The following KCNB2 variants were observed in gnomAD, a reference collection of about 807,000 sequenced individuals.
KCNB2 encodes the protein delayed rectifier potassium channel protein.
Under a neutral mutation model 61.5 loss-of-function variants are expected in KCNB2, and 15 were observed. That is an observed-to-expected ratio of 0.24 (90% CI 0.16 to 0.38). KCNB2 has a LOEUF of 0.38. Ranked by LOEUF, KCNB2 falls within the 10% of genes least tolerant of loss-of-function variation. The pLI, the probability that KCNB2 is intolerant of heterozygous loss-of-function variation, is 1.00. For missense variants in KCNB2, 828 were observed against 1,125.2 expected (o/e 0.74, Z 3.78); for synonymous variants, 457 against 446.0 (o/e 1.02, Z -0.31).
rs143953035 is a variant in KCNB2 at position 72,557,201 on chromosome 8, G to T, written c.-93-10441G>T. Among the ~76,000 whole-genome samples the T allele has an allele frequency of 1.8e-4, 28 of 152,244 alleles. 2 individuals are homozygous for T. Among genetic ancestry groups the T allele is most frequent in the African/African-American group, 6.3e-4 (26 of 41,556 alleles). ...ATTGTGATTAGAATACATCAGGAAA[G>T]ACTCTCACCTTTCCCCTCACATGAT... On this transcript the variant is annotated intron_variant, in intron 1 of 2. Coordinates refer to ENST00000523207, the MANE Select transcript of KCNB2 (RefSeq NM_004770.3).
intron 2 of KCNB2, among the ~76,000 whole-genome samples, chr8:72,598,343 C>G (rs894974086): frequency 6.6e-6 from 1 of 152,184 alleles, no homozygotes; most frequent in African/African-American, 2.4e-5. Flanking sequence ...GAACCAAAGA[C>G]AAAAACCACA....
chr8:72,594,468 G>A (rs144922595), intron 2 of KCNB2, among the ~76,000 whole-genome samples: 10 of 152,288 alleles, frequency 6.6e-5, no homozygotes, highest in Non-Finnish European at 1.3e-4. Context: ...GGGAATGTGT[G>A]GAGTCAGGGT....
rs547913916 is a variant in KCNB2, at chr8:72,817,338, T to G, written c.580-118597T>G. ...GAGCAGGTTCATCCAAGGCCTCCCC[T>G]GTAGGACTGAAGAATAGACACTGCC... is the stretch of plus-strand genomic sequence containing the variant. On this transcript the variant is annotated intron_variant, in intron 2 of 2. Coordinates refer to ENST00000523207, the MANE Select transcript of KCNB2 (RefSeq NM_004770.3). Among the ~76,000 whole-genome samples, 7 of 152,252 alleles carry G rather than the reference T, an allele frequency of 4.6e-5. No homozygotes were observed. The East Asian group carries it at 1.2e-3, about 25-fold the overall frequency.
chr8:72,751,302 A>G (rs575898329), intron 2 of KCNB2: 1 of 152,100 alleles, frequency 6.6e-6, no homozygotes, highest in South Asian at 2.1e-4. Flanking sequence ...TCTATTAAAC[A>G]CTCTGTATAC....
intron 2 of KCNB2, among the ~76,000 whole-genome samples, chr8:72,912,493 T>C (rs1439725963): frequency 9.5e-6 from 1 of 104,936 alleles, no homozygotes; most frequent in Non-Finnish European, 1.9e-5. Context: ...TTTATTCATA[T>C]ATATATATAT....
At chr8:72,850,407 G>T (rs1048994003) in intron 2 of KCNB2, among the ~76,000 whole-genome samples, 1 of 152,076 alleles carries the variant, frequency 6.6e-6, no homozygotes, top group African/African-American at 2.4e-5. Context: ...TTTTTGTAGA[G>T]ATGGGGTTTC....
chr8:72,692,157 AC>A (rs1806949508), intron 2 of KCNB2, among the ~76,000 whole-genome samples: 1 of 149,228 alleles, frequency 6.7e-6, no homozygotes, highest in African/African-American at 2.5e-5. Flanking sequence ...AATGGCATGA[AC>A]CTGGGAGGCA....
intron 2 of KCNB2, among the ~76,000 whole-genome samples, chr8:72,821,703 A>G (rs1487809153): frequency 6.6e-6 from 1 of 151,526 alleles, no homozygotes; most frequent in Non-Finnish European, 1.5e-5. Flanking sequence ...ACTGGAAAAA[A>G]CAGACAGTCC....
intron 2 of KCNB2, among the ~76,000 whole-genome samples, chr8:72,584,497 C>T (rs1806965995): frequency 6.6e-6 from 1 of 151,902 alleles, no homozygotes. Flanking sequence ...TAAAAAAAAA[C>T]TCTTACCTTT....
At chr8:72,859,190 T>C (rs760961014) in intron 2 of KCNB2, among the ~76,000 whole-genome samples, 2 of 152,126 alleles carry the variant, frequency 1.3e-5, no homozygotes, top group Non-Finnish European at 2.9e-5. Flanking sequence ...GATGAAGTGG[T>C]CTGCTGTGGT....
rs897438335 is a variant in KCNB2 at position 72,764,077 on chromosome 8, T to C, written c.580-171858T>C. 4.0e-5 allele frequency among the ~76,000 whole-genome samples: 6 copies of C among 151,820 alleles called. No homozygotes were observed. In the East Asian group the frequency reaches 1.2e-3, roughly 29 times the overall value. On this transcript the variant is annotated intron_variant, in intron 2 of 2. Transcript: ENST00000523207. ...ACCAGGGCCAGTAACCAACAACCAC[T>C]GAGATCCTGGAATATGATTTCAGGG...
intron 2 of KCNB2, among the ~76,000 whole-genome samples, chr8:72,581,152 A>G (rs1806887496): frequency 6.6e-6 from 1 of 152,022 alleles, no homozygotes; most frequent in South Asian, 2.1e-4. Context: ...AAGGAACATC[A>G]TTTTTTTCTA....
chr8:72,570,751 C>T (rs1806695872), intron 2 of KCNB2, among the ~76,000 whole-genome samples: 1 of 151,904 alleles, frequency 6.6e-6, no homozygotes, highest in African/African-American at 2.4e-5. Flanking sequence ...GTTGTGAAGC[C>T]CTTGTGTAGG....
At chr8:72,931,153 C>G (rs532675408) in intron 2 of KCNB2, among the ~76,000 whole-genome samples, 2 of 152,246 alleles carry the variant, frequency 1.3e-5, no homozygotes, top group African/African-American at 4.8e-5. Context: ...TTCCATTGAT[C>G]TATATCTCTG....
chr8:72,753,265 C>G (rs1473923228), intron 2 of KCNB2, among the ~76,000 whole-genome samples: 1 of 152,174 alleles, frequency 6.6e-6, no homozygotes, highest in African/African-American at 2.4e-5. Flanking sequence ...GTTCTGCTTA[C>G]TAATGAGTTT....
At chr8:72,568,460 T>G in intron 2 of KCNB2, 147 bp downstream of exon 2, 1 of 655,660 alleles carries the variant, frequency 1.5e-6, no homozygotes, top group Non-Finnish European at 2.6e-6. Context: ...CAAAATCTTA[T>G]TTAGTCCAAT....
chr8:72,648,955 C>T (rs752693253), intron 2 of KCNB2, among the ~76,000 whole-genome samples: 7 of 151,830 alleles, frequency 4.6e-5, no homozygotes, highest in Non-Finnish European at 7.4e-5. Context: ...TGTCCTTTTA[C>T]ATTGTGCAAG....
At chr8:72,817,095 C>T (rs1399580699) in intron 2 of KCNB2, among the ~76,000 whole-genome samples, 1 of 152,114 alleles carries the variant, frequency 6.6e-6, no homozygotes, top group Non-Finnish European at 1.5e-5. Context: ...TAGAAAAATA[C>T]TCTTTCAAGG....
chr8:72,930,764 G>A (rs1185489185), intron 2 of KCNB2, among the ~76,000 whole-genome samples: 15 of 152,074 alleles, frequency 9.9e-5, no homozygotes, highest in African/African-American at 2.4e-4. Flanking sequence ...TCACTCTGAC[G>A]GTAGTTTCTT....
Sources: allele counts gnomAD v4.1 joint callset (sites outside exome capture counted in the v4.1 genomes callset), GRCh38; gene constraint gnomAD v4.1.1; transcripts MANE v1.5; gene names NCBI Gene and HGNC (gene_info 2026-07-23, HGNC 2026-07-21).